LRMDA: variants seen among roughly 807,000 people sequenced by gnomAD.
LRMDA encodes the protein leucine-rich melanocyte differentiation-associated protein.
Under a neutral mutation model 29.8 loss-of-function variants are expected in LRMDA, and 18 were observed. The ratio of observed to expected loss-of-function variants is 0.60; its 90% CI spans 0.42 to 0.90. The LOEUF is 0.90. Among genes scored for constraint, LRMDA ranks in the 40% least tolerant of loss-of-function variants. The pLI is 0.00. For missense variants in LRMDA, 273 were observed against 273.9 expected (o/e 1.00, Z 0.02); for synonymous variants, 125 against 109.4 (o/e 1.14, Z -0.89).
At chr10:75,911,776 A>G (rs908142977) in intron 2 of LRMDA, among the ~76,000 whole-genome samples, 2 of 152,326 alleles carry the variant, frequency 1.3e-5, no homozygotes, top group African/African-American at 2.4e-5. Flanking sequence ...AGAGCTTAAA[A>G]GTGATTTCAT....
chr10:76,198,230 C>T (rs962871290), intron 5 of LRMDA, among the ~76,000 whole-genome samples: 1 of 152,220 alleles, frequency 6.6e-6, no homozygotes, highest in Non-Finnish European at 1.5e-5. Flanking sequence ...TCAAACTTTA[C>T]TGTGCCTAGA....
At chr10:76,045,906 T>C (rs1029354742) in intron 3 of LRMDA, among the ~76,000 whole-genome samples, 4 of 152,186 alleles carry the variant, frequency 2.6e-5, no homozygotes, top group Non-Finnish European at 2.9e-5. Context: ...TGAAATGAAG[T>C]ATGAGGAAAT....
intron 2 of LRMDA, among the ~76,000 whole-genome samples, chr10:76,012,729 G>A (rs372969408): frequency 6.6e-6 from 1 of 152,210 alleles, no homozygotes; most frequent in Non-Finnish European, 1.5e-5. Context: ...TCATCATTAA[G>A]TGGTGTCCTT....
At chr10:76,155,711 T>C (rs1850524750) in intron 5 of LRMDA, among the ~76,000 whole-genome samples, 1 of 152,116 alleles carries the variant, frequency 6.6e-6, no homozygotes, top group Non-Finnish European at 1.5e-5. Context: ...CACGTTGATA[T>C]TGTTTAAGCG....
chr10:76,171,511 G>T (rs1850836576), intron 5 of LRMDA, among the ~76,000 whole-genome samples: 1 of 152,170 alleles, frequency 6.6e-6, no homozygotes, highest in Non-Finnish European at 1.5e-5. Flanking sequence ...GGTTAGGCTG[G>T]GTTCATAGGA....
intron 5 of LRMDA, among the ~76,000 whole-genome samples, chr10:76,097,428 C>A (rs1395676241): frequency 1.3e-5 from 2 of 152,202 alleles, no homozygotes. Context: ...ATCACAGTAA[C>A]TTAGTACCAC....
chr10:76,026,628 G>A (rs1029425706), intron 2 of LRMDA, among the ~76,000 whole-genome samples: 3 of 152,146 alleles, frequency 2.0e-5, no homozygotes, highest in African/African-American at 4.8e-5. Flanking sequence ...TATTAAAGAA[G>A]CCTTGCACAG....
intron 5 of LRMDA, among the ~76,000 whole-genome samples, chr10:76,235,777 GTCT>G (rs1852141866): frequency 6.6e-6 from 1 of 152,194 alleles, no homozygotes; most frequent in African/African-American, 2.4e-5. Flanking sequence ...AATAAGGGTT[GTCT>G]TCTTATACAG....
intron 2 of LRMDA, among the ~76,000 whole-genome samples, chr10:75,996,877 C>T (rs12257039): frequency 0.37 from 56,199 of 151,458 alleles, 11,119 homozygotes; most frequent in Non-Finnish European, 0.43. Flanking sequence ...AGACTACAGG[C>T]GCCCGCCACC....
intron 6 of LRMDA, among the ~76,000 whole-genome samples, chr10:76,528,333 A>G (rs1312462806): frequency 6.6e-6 from 1 of 152,180 alleles, no homozygotes; most frequent in African/African-American, 2.4e-5. Context: ...ATAGTATTCA[A>G]GTGATGGTTA....
At chr10:75,781,013 C>G (rs947851959) in intron 2 of LRMDA, among the ~76,000 whole-genome samples, 6 of 152,202 alleles carry the variant, frequency 3.9e-5, no homozygotes, top group Admixed American at 3.3e-4. Flanking sequence ...TGTCTTGAGC[C>G]TCCATGCCTT....
chr10:75,979,046 A>T (rs1227370491), intron 2 of LRMDA, among the ~76,000 whole-genome samples: 1 of 152,184 alleles, frequency 6.6e-6, no homozygotes, highest in Non-Finnish European at 1.5e-5. Flanking sequence ...TGGCATTAAT[A>T]ATAGTACCCA....
At chr10:75,754,390 G>A (rs912236453) in intron 2 of LRMDA, among the ~76,000 whole-genome samples, 3 of 152,184 alleles carry the variant, frequency 2.0e-5, no homozygotes, top group Non-Finnish European at 2.9e-5. Flanking sequence ...TGTTTTCCAA[G>A]AAAAAGTTGA....
intron 6 of LRMDA, among the ~76,000 whole-genome samples, chr10:76,490,544 C>G (rs1263464180): frequency 1.3e-5 from 2 of 151,906 alleles, no homozygotes; most frequent in Non-Finnish European, 2.9e-5. Flanking sequence ...TCTTCTTTGT[C>G]TCTTCCTATA....
chr10:75,647,594 G>GT (rs1305584319), intron 2 of LRMDA: 3 of 152,264 alleles, frequency 2.0e-5, no homozygotes, highest in Non-Finnish European at 4.4e-5. Context: ...GGTAGAAGAG[G>GT]TAAGAGCTTT....
At chr10:76,182,967 C>G (rs571197118) in intron 5 of LRMDA, among the ~76,000 whole-genome samples, 19 of 152,264 alleles carry the variant, frequency 1.2e-4, no homozygotes, top group African/African-American at 4.3e-4. Context: ...AAGGCTCCAC[C>G]TTCTTCCCAG....
intron 2 of LRMDA, among the ~76,000 whole-genome samples, chr10:75,456,117 T>A (rs532690754): frequency 1.3e-5 from 2 of 152,344 alleles, no homozygotes; most frequent in African/African-American, 4.8e-5. Context: ...GTATGGGTTC[T>A]CCCATCAAAT....
At chr10:75,432,010 A>G (rs974944301) in intron 1 of LRMDA, among the ~76,000 whole-genome samples, 2 of 152,130 alleles carry the variant, frequency 1.3e-5, no homozygotes, top group African/African-American at 4.8e-5. Flanking sequence ...TTCTGCCCTT[A>G]GCGCCTCACT....
intron 2 of LRMDA, among the ~76,000 whole-genome samples, chr10:75,917,394 A>G (rs1845951871): frequency 6.6e-6 from 1 of 151,340 alleles, no homozygotes; most frequent in South Asian, 2.1e-4. Flanking sequence ...AGAGAACACG[A>G]CTCCATGCTG....
Sources: gnomAD v4.1 joint callset for allele counts (sites outside exome capture counted in the v4.1 genomes callset) on GRCh38, gnomAD v4.1.1 for gene constraint, MANE v1.5 for transcripts, NCBI Gene and HGNC (gene_info 2026-07-23, HGNC 2026-07-21) for gene names.